LIPK: variants seen among roughly 807,000 people sequenced by gnomAD.
LIPK encodes lipase family member K.
LIPK carries 32 observed loss-of-function variants against 48.6 expected under a neutral mutation model. The observed-to-expected ratio is 0.66, with a 90% CI of 0.50 to 0.88. LIPK has a LOEUF of 0.88. LIPK is among the 40% of genes least tolerant of loss of function. The pLI, the probability that LIPK is intolerant of heterozygous loss-of-function variation, is 0.00. For synonymous variants in LIPK, 164 were observed against 157.4 expected (o/e 1.04, Z -0.32); for missense variants, 507 against 478.5 (o/e 1.06, Z -0.56).
intron 3 of LIPK, chr10:88,728,889 C>A: frequency 5.4e-6 from 1 of 184,180 alleles, no homozygotes; most frequent in South Asian, 1.2e-4. Context: ...AAGCTGGTAT[C>A]CGAGTCCTCT....
At chr10:88,747,976 T>C (rs907087382) in intron 9 of LIPK, among the ~76,000 whole-genome samples, 1 of 152,162 alleles carries the variant, frequency 6.6e-6, no homozygotes, top group Non-Finnish European at 1.5e-5. Context: ...ACTGCAGCAC[T>C]GTTTACAATA....
Position 88,743,333 on chromosome 10 carries a change from A to C in LIPK, c.960+12A>C. On this transcript the variant is annotated intron_variant, in intron 9 of 9. Coordinates refer to ENST00000404190, the MANE Select transcript of LIPK (RefSeq NM_001080518.2). ...TGCACTTCCATCAGGTACAAAAATA[A>C]TCCTCATAATCAGTTCCATGCTGCA... The C allele has an allele frequency of 6.4e-7, 1 of 1,562,652 alleles. No homozygotes were observed. The highest frequency in any genetic ancestry group is 1.3e-5 in the African/African-American group (1 of 74,182).
intron 6 of LIPK, among the ~76,000 whole-genome samples, chr10:88,736,743 T>C (rs912229658): frequency 3.3e-5 from 5 of 152,232 alleles, no homozygotes; most frequent in Non-Finnish European, 7.3e-5. Flanking sequence ...AATGGATTCT[T>C]GGTTCTCTGT....
At chr10:88,741,264 AC>A (rs1224582396) in intron 8 of LIPK, among the ~76,000 whole-genome samples, 4 of 152,166 alleles carry the variant, frequency 2.6e-5, no homozygotes, top group Admixed American at 2.6e-4. Context: ...CAATCACGTT[AC>A]CCAGGCTGAA....
intron 6 of LIPK, among the ~76,000 whole-genome samples, chr10:88,736,207 G>A (rs986466423): frequency 6.6e-6 from 1 of 151,744 alleles, no homozygotes; most frequent in African/African-American, 2.4e-5. Context: ...AGGAAGAAGA[G>A]GAGGAAGAAG....
chr10:88,738,797 C>A (rs1051179075), intron 7 of LIPK, among the ~76,000 whole-genome samples: 1 of 152,208 alleles, frequency 6.6e-6, no homozygotes, highest in African/African-American at 2.4e-5. Flanking sequence ...TGTCAGATCA[C>A]CTTTTGTCTT....
chr10:88,719,430 A>AG (rs1489992466), intron 1 of LIPK, among the ~76,000 whole-genome samples: 1 of 152,248 alleles, frequency 6.6e-6, no homozygotes, highest in Non-Finnish European at 1.5e-5. Context: ...GCTCATAGCC[A>AG]GTTTTGCTCC....
At chr10:88,728,562 G>T in intron 3 of LIPK, 3 of 439,654 alleles carry the variant, frequency 6.8e-6, no homozygotes, top group Non-Finnish European at 9.0e-6. Flanking sequence ...GACCAAACAG[G>T]AGAGGGCGCC....
chr10:88,728,620 G>T, intron 3 of LIPK: 1 of 486,316 alleles, frequency 2.1e-6, no homozygotes. Context: ...CTGGCCTTGG[G>T]CATCGAGAGC....
Position 88,752,655 on chromosome 10 carries a change from A to T in LIPK, c.1099A>T (p.Ile367Phe), listed in dbSNP as rs1241772538. Residue 367 changes from isoleucine to phenylalanine, a missense_variant, in exon 10 of 10, where the codon ATT becomes TTT. Physicochemically the swap from Ile to Phe is conservative, Grantham distance 21. Coordinates refer to ENST00000404190, the MANE Select transcript of LIPK (RefSeq NM_001080518.2). ...QIANLIYYKL[I>F]PHYNHVDFYL... is the part of the protein sequence containing the mutation. ...TGCTAACCTTATTTATTACAAGCTG[A>T]TTCCACACTACAATCATGTGGATTT... 6.3e-7 allele frequency: 1 copy of T among 1,575,318 alleles called. No individual in the cohort carries two copies. Among genetic ancestry groups the T allele is most frequent in the African/African-American group, 1.3e-5 (1 of 74,458 alleles).
intron 4 of LIPK, 144 bp downstream of exon 4, chr10:88,731,325 A>T: frequency 3.0e-6 from 2 of 676,132 alleles, no homozygotes; most frequent in African/African-American, 1.9e-5. Flanking sequence ...CTCTACCCAA[A>T]CTTTCTTCAC....
chr10:88,744,436 C>T (rs981058320), intron 9 of LIPK, among the ~76,000 whole-genome samples: 1 of 152,216 alleles, frequency 6.6e-6, no homozygotes, highest in African/African-American at 2.4e-5. Flanking sequence ...ATCTCAGCCT[C>T]TCCAGTGCAG....
intron 1 of LIPK, among the ~76,000 whole-genome samples, chr10:88,706,533 C>T (rs1841938435): frequency 6.6e-6 from 1 of 152,102 alleles, no homozygotes. Flanking sequence ...CAGAAAGCTG[C>T]AGCATCTAGA....
intron 6 of LIPK, among the ~76,000 whole-genome samples, chr10:88,735,031 A>G (rs1165652482): frequency 1.3e-5 from 2 of 152,092 alleles, no homozygotes; most frequent in Non-Finnish European, 2.9e-5. Flanking sequence ...CTCCATTTCT[A>G]TTACATTCAA....
intron 7 of LIPK, among the ~76,000 whole-genome samples, chr10:88,739,369 C>T (rs1228566352): frequency 6.6e-6 from 1 of 152,224 alleles, no homozygotes; most frequent in South Asian, 2.1e-4. Context: ...TCCCCTATAC[C>T]CTTGAACCTA....
At chr10:88,747,706 G>C (rs977827227) in intron 9 of LIPK, among the ~76,000 whole-genome samples, 3 of 152,092 alleles carry the variant, frequency 2.0e-5, no homozygotes, top group African/African-American at 7.2e-5. Flanking sequence ...ACCACAATGA[G>C]ATACCATCTC....
At chr10:88,736,333 C>G (rs1842570913) in intron 6 of LIPK, among the ~76,000 whole-genome samples, 1 of 152,086 alleles carries the variant, frequency 6.6e-6, no homozygotes, top group East Asian at 1.9e-4. Context: ...TGATTGATTC[C>G]AGACTCTTCA....
chr10:88,733,604 T>C (rs1209590430), intron 6 of LIPK, among the ~76,000 whole-genome samples: 2 of 152,182 alleles, frequency 1.3e-5, no homozygotes, highest in Non-Finnish European at 2.9e-5. Flanking sequence ...CTTATACCAT[T>C]GAGATTTCAC....
At chr10:88,736,536 G>T (rs1215310667) in intron 6 of LIPK, among the ~76,000 whole-genome samples, 3 of 151,722 alleles carry the variant, frequency 2.0e-5, no homozygotes, top group African/African-American at 4.9e-5. Context: ...TAAATAGATT[G>T]TCACACAAAT....
Sources: allele counts gnomAD v4.1 joint callset (sites outside exome capture counted in the v4.1 genomes callset), GRCh38; gene constraint gnomAD v4.1.1; transcripts MANE v1.5; gene names NCBI Gene and HGNC (gene_info 2026-07-23, HGNC 2026-07-21).